CNGA1: variants seen among roughly 807,000 people sequenced by gnomAD.
The protein encoded by CNGA1 is cyclic nucleotide gated channel subunit alpha 1, also known as cyclic nucleotide-gated channel alpha-1.
A neutral mutation model predicts 69.7 loss-of-function variants in CNGA1; 53 were observed. The ratio of observed to expected loss-of-function variants is 0.76; its 90% CI spans 0.61 to 0.96. The LOEUF is 0.96. CNGA1 is among the 40% of genes least tolerant of loss of function. The probability of loss-of-function intolerance (pLI) is 0.00; values close to 1 mark genes in which losing one functional copy is unlikely to be tolerated. For missense variants in CNGA1, 739 were observed against 811.2 expected, an observed-to-expected ratio of 0.91 and a Z score of 1.08; for synonymous variants, 249 against 283.5, an observed-to-expected ratio of 0.88 and a Z score of 1.22.
intron 2 of CNGA1, among the ~76,000 whole-genome samples, chr4:47,998,604 G>A (rs1021393118): frequency 9.3e-5 from 14 of 150,204 alleles, no homozygotes; most frequent in Admixed American, 4.6e-4. Context: ...GTGAAAACCC[G>A]TCTCTACTAA....
intron 10 of CNGA1, among the ~76,000 whole-genome samples, chr4:47,939,276 T>G (rs766623061): frequency 3.3e-5 from 5 of 152,110 alleles, no homozygotes; most frequent in Non-Finnish European, 5.9e-5. Context: ...ATCCCTGAAC[T>G]ATGGGGTTTG....
chr4:47,950,300 G>A (rs1739663582), intron 5 of CNGA1, among the ~76,000 whole-genome samples: 1 of 152,144 alleles, frequency 6.6e-6, no homozygotes, highest in Non-Finnish European at 1.5e-5. Context: ...TTTATAAAGG[G>A]CAGTTCCCCT....
chr4:47,984,640 TAA>T (rs1553868839), intron 2 of CNGA1, among the ~76,000 whole-genome samples: 1 of 103,656 alleles, frequency 9.6e-6, no homozygotes, highest in South Asian at 3.4e-4. Flanking sequence ...AACAAACAAA[TAA>T]AAAAAATATA....
chr4:47,961,973 A>T (rs1740464271), intron 3 of CNGA1, among the ~76,000 whole-genome samples: 1 of 152,224 alleles, frequency 6.6e-6, no homozygotes, highest in Non-Finnish European at 1.5e-5. Context: ...TTTACCTGGA[A>T]ATTTAACATG....
intron 3 of CNGA1, among the ~76,000 whole-genome samples, chr4:47,967,697 C>T (rs183075391): frequency 7.2e-5 from 11 of 151,788 alleles, no homozygotes; most frequent in South Asian, 4.2e-4. Context: ...TTTAAAATAC[C>T]GCTGGGTGCA....
rs1364902049 is a variant in CNGA1, at chr4:47,937,042, T to C, written c.1440A>G (p.Glu480=). ...LKKVRIFADC[E]AGLLVELVLK... ...AGACCAACTCCACCAACAGACCAGC[T>C]TCACAATCAGCAAAAATGCGTACCT... Residue 480 remains glutamate (E), a synonymous_variant, in exon 11 of 11, where the codon GAA becomes GAG. Coordinates refer to ENST00000514170, the MANE Select transcript of CNGA1 (RefSeq NM_001379270.1). 6.2e-7 allele frequency: 1 copy of C among 1,614,218 alleles called. No individual in the cohort carries two copies. The highest frequency in any genetic ancestry group is 1.1e-5 in the South Asian group (1 of 91,084).
chr4:47,944,833 T>C (rs1350076902), intron 6 of CNGA1, among the ~76,000 whole-genome samples: 1 of 152,132 alleles, frequency 6.6e-6, no homozygotes, highest in Non-Finnish European at 1.5e-5. Context: ...CTGAGACTAA[T>C]GGCAGTGCTT....
chr4:47,937,950 C>A, intron 10 of CNGA1, 121 bp from the exon 11 acceptor site: 1 of 708,454 alleles, frequency 1.4e-6, no homozygotes, highest in Non-Finnish European at 2.4e-6. Flanking sequence ...AATAAATATG[C>A]CTTTAACAAT....
In CNGA1 at chr4:47,936,900, C is replaced by T. The variant is rs1018800266; in HGVS notation, c.1582G>A (p.Val528Ile). 7 of 1,613,994 alleles carry T rather than the reference C, an allele frequency of 4.3e-6. No individual in the cohort carries two copies. In the African/African-American group the frequency reaches 9.3e-5, roughly 22 times the overall value. The change falls in exon 11 of 11, where the codon GTC (valine) becomes ATC (isoleucine). Residue 528 changes from valine to isoleucine, a missense_variant. Coordinates refer to ENST00000514170, the MANE Select transcript of CNGA1 (RefSeq NM_001379270.1). ...GKLAVVADDG[V>I]TQFVVLSDGS... ...TCGCTCAATACCACAAACTGAGTGA[C>T]TCCATCATCTGCCACCACAGCGAGT...
At chr4:47,966,712 T>A (rs973975915) in intron 3 of CNGA1, among the ~76,000 whole-genome samples, 1 of 152,192 alleles carries the variant, frequency 6.6e-6, no homozygotes, top group Non-Finnish European at 1.5e-5. Flanking sequence ...TCTACAAATC[T>A]GAAACCTTTA....
intron 2 of CNGA1, among the ~76,000 whole-genome samples, chr4:48,009,727 C>G (rs556017849): frequency 3.3e-4 from 50 of 152,118 alleles, no homozygotes; most frequent in African/African-American, 1.2e-3. Context: ...TTGCTTAAAC[C>G]CAAGAGACAG....
intron 2 of CNGA1, among the ~76,000 whole-genome samples, chr4:47,986,078 T>C (rs1741966704): frequency 6.6e-6 from 1 of 152,202 alleles, no homozygotes; most frequent in Non-Finnish European, 1.5e-5. Flanking sequence ...CCCATTATGC[T>C]GCAATGGGAG....
At chr4:47,970,994 A>G (rs1402514331) in intron 3 of CNGA1, 1 of 454,050 alleles carries the variant, frequency 2.2e-6, no homozygotes, top group Admixed American at 2.4e-5. Flanking sequence ...CATCTCTACT[A>G]AAAATACAAA....
At chr4:47,964,237 G>C (rs1278040347) in intron 3 of CNGA1, among the ~76,000 whole-genome samples, 1 of 152,086 alleles carries the variant, frequency 6.6e-6, no homozygotes, top group Non-Finnish European at 1.5e-5. Context: ...CTAGGGAAGG[G>C]AGAATATGTG....
At chr4:47,987,158 C>T (rs961267414) in intron 2 of CNGA1, among the ~76,000 whole-genome samples, 1 of 152,094 alleles carries the variant, frequency 6.6e-6, no homozygotes. Context: ...TAATCTTGTT[C>T]CCTGTCTTGC....
At chr4:47,997,577 T>G (rs1714438278) in intron 2 of CNGA1, among the ~76,000 whole-genome samples, 1 of 152,134 alleles carries the variant, frequency 6.6e-6, no homozygotes, top group South Asian at 2.1e-4. Flanking sequence ...TACATAAATG[T>G]AAGTTATTAT....
chr4:47,970,634 A>C (rs1412632357), intron 3 of CNGA1, among the ~76,000 whole-genome samples: 1 of 143,894 alleles, frequency 6.9e-6, no homozygotes, highest in African/African-American at 2.6e-5. Context: ...CCTGGGCAAC[A>C]AGAGCAAAAC....
At chr4:48,013,084 C>T (rs1715239208) in intron 1 of CNGA1, 2 of 152,156 alleles carry the variant, frequency 1.3e-5, no homozygotes, top group Non-Finnish European at 1.5e-5. Flanking sequence ...GCAAAATAAA[C>T]TTTAGATCTT....
At chr4:48,005,970 T>C (rs1190974274) in intron 2 of CNGA1, among the ~76,000 whole-genome samples, 2 of 152,272 alleles carry the variant, frequency 1.3e-5, no homozygotes, top group Non-Finnish European at 2.9e-5. Flanking sequence ...CCAAATTTTA[T>C]TCATAGGAGT....
Sources: allele counts gnomAD v4.1 joint callset (sites outside exome capture counted in the v4.1 genomes callset), GRCh38; gene constraint gnomAD v4.1.1; transcripts MANE v1.5; gene names NCBI Gene and HGNC (gene_info 2026-07-23, HGNC 2026-07-21).